RBFOX1: variants seen among roughly 807,000 people sequenced by gnomAD.
The protein encoded by RBFOX1 is RNA binding protein fox-1 homolog 1.
A neutral mutation model predicts 57.7 loss-of-function variants in RBFOX1; 8 were observed. That is an observed-to-expected ratio of 0.14 (90% confidence interval 0.08 to 0.25). The LOEUF (loss-of-function observed/expected upper bound fraction) is 0.25, where lower values mean the gene tolerates loss of function less well. Among genes scored for constraint, RBFOX1 ranks in the 10% least tolerant of loss-of-function variants. The probability of loss-of-function intolerance (pLI) is 1.00; values close to 1 mark genes in which losing one functional copy is unlikely to be tolerated. For synonymous variants in RBFOX1, 326 were observed against 222.4 expected (o/e 1.47, Z -4.15); for missense variants, 611 against 548.5 (o/e 1.11, Z -1.14).
chr16:5,736,124 G>A (rs1286311783), intron 3 of RBFOX1, among the ~76,000 whole-genome samples: 8 of 151,980 alleles, frequency 5.3e-5, no homozygotes, highest in African/African-American at 1.9e-4. Context: ...TGATGACGGC[G>A]GGAGGTTTTG....
intron 3 of RBFOX1, among the ~76,000 whole-genome samples, chr16:5,828,479 C>T (rs368789604): frequency 1.3e-5 from 2 of 152,100 alleles, no homozygotes; most frequent in African/African-American, 4.8e-5. Flanking sequence ...GTGGGCGGAT[C>T]GCGAGGTCAA....
chr16:5,713,981 G>A, intron 3 of RBFOX1, among the ~76,000 whole-genome samples: 1 of 152,186 alleles, frequency 6.6e-6, no homozygotes, highest in South Asian at 2.1e-4. Context: ...AGCTTTTTGA[G>A]GTTTTAGGAA....
chr16:6,462,151 G>A (rs745906698), intron 2 of RBFOX1, among the ~76,000 whole-genome samples: 1 of 152,106 alleles, frequency 6.6e-6, no homozygotes, highest in South Asian at 2.1e-4. Flanking sequence ...ACTAATATAT[G>A]GTTTTGGAAC....
At chr16:5,512,421 TCTC>T (rs1418788519) in intron 2 of RBFOX1, among the ~76,000 whole-genome samples, 2 of 80,972 alleles carry the variant, frequency 2.5e-5, no homozygotes, top group African/African-American at 2.1e-4. Context: ...TCTCTCTTTC[TCTC>T]TCTCTCTCTG....
intron 3 of RBFOX1, among the ~76,000 whole-genome samples, chr16:6,838,315 G>A (rs529254423): frequency 9.2e-4 from 140 of 152,192 alleles, no homozygotes; most frequent in Non-Finnish European, 1.7e-3. Flanking sequence ...TGCTGAGAAT[G>A]ATGGCTTCCA....
intron 3 of RBFOX1, among the ~76,000 whole-genome samples, chr16:5,607,435 G>C (rs1417399314): frequency 6.7e-6 from 1 of 148,514 alleles, no homozygotes; most frequent in Non-Finnish European, 1.5e-5. Flanking sequence ...GTTGCTTTCT[G>C]CCAGATAAGA....
chr16:6,482,985 A>G (rs1226832445), intron 2 of RBFOX1, among the ~76,000 whole-genome samples: 1 of 152,220 alleles, frequency 6.6e-6, no homozygotes, highest in Non-Finnish European at 1.5e-5. Context: ...CATGTGGTAC[A>G]TATTTAATGC....
At chr16:5,733,219 C>A (rs2052447064) in intron 3 of RBFOX1, among the ~76,000 whole-genome samples, 1 of 152,168 alleles carries the variant, frequency 6.6e-6, no homozygotes, top group Non-Finnish European at 1.5e-5. Flanking sequence ...AGACTGGGGA[C>A]TAACACAGTT....
At chr16:7,419,792 A>G (rs573142145) in intron 4 of RBFOX1, among the ~76,000 whole-genome samples, 8 of 152,288 alleles carry the variant, frequency 5.3e-5, no homozygotes, top group African/African-American at 1.9e-4. Flanking sequence ...CACATCGCAC[A>G]CTGAAGAAAT....
intron 1 of RBFOX1, among the ~76,000 whole-genome samples, chr16:5,282,226 A>G (rs563156076): frequency 2.3e-4 from 35 of 152,302 alleles, no homozygotes; most frequent in Admixed American, 4.6e-4. Flanking sequence ...GACTTCCGCA[A>G]TGATTTTGTA....
rs1001218102 is a variant in RBFOX1 at position 5,868,888 on chromosome 16, G to A, written c.351+1553G>A. On this transcript the variant is annotated intron_variant, in intron 4 of 19. Coordinates refer to the RBFOX1 transcript ENST00000641259. Reference sequence around the variant, plus strand: ...GTTTCCTCTGGTGGTTTGCTGTCACGGGAATACCAGTTTCTGTGTATTTAG... The same window carrying A: ...GTTTCCTCTGGTGGTTTGCTGTCACAGGAATACCAGTTTCTGTGTATTTAG... 5.9e-5 allele frequency among the ~76,000 whole-genome samples: 9 copies of A among 152,142 alleles called. No individual in the cohort carries two copies. In the South Asian group the frequency reaches 1.5e-3, roughly 25 times the overall value.
At chr16:6,005,097 C>G (rs1292719015) in intron 4 of RBFOX1, among the ~76,000 whole-genome samples, 1 of 152,020 alleles carries the variant, frequency 6.6e-6, no homozygotes. Context: ...TATAAAAAGC[C>G]AAGAGTCCAT....
chr16:6,897,907 C>A (rs2067357728), intron 3 of RBFOX1, among the ~76,000 whole-genome samples: 1 of 152,194 alleles, frequency 6.6e-6, no homozygotes, highest in African/African-American at 2.4e-5. Flanking sequence ...GGAGCTCTTT[C>A]TGTGTCTCAG....
At chr16:5,531,804 T>A (rs1270776521) in intron 2 of RBFOX1, among the ~76,000 whole-genome samples, 1 of 14,834 alleles carries the variant, frequency 6.7e-5, no homozygotes, top group Non-Finnish European at 1.1e-4. Context: ...CAAGAGGTCT[T>A]TTTTTTTTTT....
At chr16:5,872,727 C>T (rs928701302) in intron 4 of RBFOX1, among the ~76,000 whole-genome samples, 1 of 151,682 alleles carries the variant, frequency 6.6e-6, no homozygotes, top group Non-Finnish European at 1.5e-5. Flanking sequence ...CAGAGCTAGA[C>T]CCTGTCTTAA....
intron 3 of RBFOX1, among the ~76,000 whole-genome samples, chr16:7,018,788 A>T (rs974149702): frequency 5.7e-4 from 8 of 13,940 alleles, no homozygotes; most frequent in African/African-American, 1.1e-3. Flanking sequence ...TTAAAGTATT[A>T]AAAAAAAAAA....
intron 3 of RBFOX1, among the ~76,000 whole-genome samples, chr16:6,703,517 C>T (rs1209505661): frequency 6.6e-6 from 1 of 150,984 alleles, no homozygotes; most frequent in South Asian, 2.1e-4. Flanking sequence ...TTCAAGGCAG[C>T]CTAGGCAACA....
At chr16:5,818,682 CAG>C (rs1040110718) in intron 3 of RBFOX1, among the ~76,000 whole-genome samples, 5 of 152,184 alleles carry the variant, frequency 3.3e-5, no homozygotes, top group African/African-American at 4.8e-5. Flanking sequence ...AGGAAGAAAA[CAG>C]AGAGTCTTGA....
At chr16:7,092,874 A>AT in intron 4 of RBFOX1, among the ~76,000 whole-genome samples, 1 of 152,174 alleles carries the variant, frequency 6.6e-6, no homozygotes. Flanking sequence ...TTTCACAGTG[A>AT]TTCTTCTTTC....
Sources: gnomAD v4.1 joint callset for allele counts (sites outside exome capture counted in the v4.1 genomes callset) on GRCh38, gnomAD v4.1.1 for gene constraint, MANE v1.5 for transcripts, NCBI Gene and HGNC (gene_info 2026-07-23, HGNC 2026-07-21) for gene names.